BATF2: variants seen among roughly 807,000 people sequenced by gnomAD.
The protein encoded by BATF2 is basic leucine zipper transcriptional factor ATF-like 2.
In BATF2, 4 loss-of-function variants were observed where a neutral mutation model predicts 7.3. The observed-to-expected ratio is 0.55, with a 90% CI of 0.27 to 1.26. The LOEUF (loss-of-function observed/expected upper bound fraction) is 1.26, where lower values mean the gene tolerates loss of function less well. Among genes scored for constraint, BATF2 ranks in the 50% most tolerant of loss-of-function variants. BATF2 has a pLI of 0.11. For synonymous variants in BATF2, 152 were observed against 153.9 expected (o/e 0.99, Z 0.09); for missense variants, 295 against 340.5 (o/e 0.87, Z 1.05).
At position 64,988,022 on chromosome 11, in the gene BATF2, A is replaced by G. The variant is rs945040705; in HGVS notation, c.*1107T>C. 28 of 152,200 alleles carry G rather than the reference A, an allele frequency of 1.8e-4. No homozygotes were observed. The highest frequency in any genetic ancestry group is 6.5e-4 in the African/African-American group (27 of 41,444). 9.4% of individuals were successfully genotyped at this position (152,200 alleles called of 1,614,324 possible). On this transcript the variant is annotated 3_prime_UTR_variant, in exon 3 of 3. Transcript: ENST00000301887. ...TGTATCCAGGAGTGTGTTAGATACT[A>G]ACATAGTGTTTCATTTACATGTGTG...
intron 2 of BATF2, among the ~76,000 whole-genome samples, chr11:64,991,815 C>T (rs1269918717): frequency 1.3e-5 from 2 of 152,162 alleles, no homozygotes; most frequent in Non-Finnish European, 1.5e-5. Context: ...ACGGGAGACG[C>T]TCAATAAGCA....
rs955592231 is a variant in BATF2, at chr11:64,994,894, G to A, written c.40-345C>T. On this transcript the variant is annotated intron_variant, in intron 1 of 2. Transcript: ENST00000301887. ...AGAGTCTCACTCTGTTGCCCAGGCTGGAGTAGTGCAGCGGCTCTATCTTGG... is the reference window on the plus strand; with the variant it reads ...AGAGTCTCACTCTGTTGCCCAGGCTAGAGTAGTGCAGCGGCTCTATCTTGG... Among the ~76,000 whole-genome samples the A allele has an allele frequency of 4.6e-5, 7 of 152,202 alleles. No homozygotes were observed. The South Asian group carries it at 8.3e-4, about 18-fold the overall frequency.
In BATF2 at chr11:64,989,766, A is replaced by T. The variant is rs761596859; in HGVS notation, c.188T>A (p.Ile63Asn). 6.2e-7 allele frequency: 1 copy of T among 1,613,938 alleles called. No homozygotes were observed. Among genetic ancestry groups the T allele is most frequent in the Non-Finnish European group, 8.5e-7 (1 of 1,180,024 alleles). Residue 63 changes from isoleucine (I) to asparagine (N), a missense_variant, in exon 3 of 3, where the codon ATC (isoleucine) becomes AAC (asparagine). Coordinates refer to ENST00000301887, the MANE Select transcript of BATF2 (RefSeq NM_138456.4). This position sits in a 1 kb window ranked among gnomAD's most constrained non-coding sequence, Gnocchi z 4.3. ...CGCCAGCTCGGCCTGCAGGGACTGG[A>T]TCTCCTTCCGCAGGGCGAGGTTGTC... ...EKDNLALRKE[I>N]QSLQAELAWW...
At chr11:64,990,699 G>A (rs1274944526) in intron 2 of BATF2, 13 of 843,968 alleles carry the variant, frequency 1.5e-5, no homozygotes, top group South Asian at 5.4e-5. Context: ...TAAATTGAAC[G>A]ACTTCCTTCA....
In BATF2 at chr11:64,989,284, C is replaced by A; in HGVS notation, c.670G>T (p.Asp224Tyr). ...AGCCCCAGGGCAGAGGAAGGGTTGT[C>A]GGGAGAGGACCCCAGCTTCCCTCTG... is the stretch of plus-strand genomic sequence containing the variant. The part of the protein sequence containing the change: ...PTRGKLGSSP[D>Y]NPSSALGLAR... The change falls in exon 3 of 3, where the codon GAC becomes TAC. Residue 224 changes from aspartate (D) to tyrosine (Y), a missense_variant. Coordinates refer to ENST00000301887, the MANE Select transcript of BATF2 (RefSeq NM_138456.4). This position sits in a 1 kb window ranked among gnomAD's most constrained non-coding sequence, Gnocchi z 4.3. 3 of 1,595,954 alleles carry A rather than the reference C, an allele frequency of 1.9e-6. No homozygotes were observed. The highest frequency in any genetic ancestry group is 2.6e-6 in the Non-Finnish European group (3 of 1,170,272).
intron 2 of BATF2, among the ~76,000 whole-genome samples, chr11:64,994,067 G>C (rs982129720): frequency 3.3e-5 from 5 of 152,158 alleles, no homozygotes; most frequent in African/African-American, 1.2e-4. Flanking sequence ...CAAAGTGCTA[G>C]GATTACAGGT....
intron 1 of BATF2, among the ~76,000 whole-genome samples, chr11:64,996,543 C>T (rs898215681): frequency 4.6e-5 from 7 of 152,198 alleles, no homozygotes; most frequent in African/African-American, 7.2e-5. Flanking sequence ...AGGCATGAGC[C>T]GGCCTGGGTT....
Position 64,990,063 on chromosome 11 carries a change from C to G in BATF2, c.142-251G>C, listed in dbSNP as rs760592827. On this transcript the variant is annotated intron_variant, in intron 2 of 2. Transcript: ENST00000301887. Reference sequence around the variant, plus strand: ...CCACCACTAGTGCCCTGAGCCGGTGCCATTTCTCACCTGGGATATGCACGG... The same window carrying G: ...CCACCACTAGTGCCCTGAGCCGGTGGCATTTCTCACCTGGGATATGCACGG... 6 of 1,536,558 alleles carry G rather than the reference C, an allele frequency of 3.9e-6. No homozygotes were observed. The Middle Eastern group carries it at 1.0e-3, about 257-fold the overall frequency.
At chr11:64,991,390 C>T (rs1946076426) in intron 2 of BATF2, among the ~76,000 whole-genome samples, 1 of 151,978 alleles carries the variant, frequency 6.6e-6, no homozygotes, top group African/African-American at 2.4e-5. Flanking sequence ...CTCCTGACCT[C>T]GTGATCCGCC....
In BATF2 at chr11:64,989,388, G is replaced by A; in HGVS notation, c.566C>T (p.Ser189Phe). 6.3e-7 allele frequency: 1 copy of A among 1,581,686 alleles called. No individual in the cohort carries two copies. Among genetic ancestry groups the A allele is most frequent in the Non-Finnish European group, 8.6e-7 (1 of 1,163,094 alleles). ...SHTGSSLQGS[S>F]SKLSALQPSL... ...GGGCTGGAGGGCACTGAGCTTAGAG[G>A]AAGACCCCTGCAGGCTGGAACCAGT... The change falls in exon 3 of 3, where the codon TCC becomes TTC. Residue 189 changes from serine to phenylalanine, a missense_variant. Ser to Phe is a radical substitution (Grantham distance 155). Coordinates refer to ENST00000301887, the MANE Select transcript of BATF2 (RefSeq NM_138456.4). This position sits in a 1 kb window ranked among gnomAD's most constrained non-coding sequence, Gnocchi z 4.3.
In BATF2 at chr11:64,989,239, C is replaced by A. The variant is rs1327300395; in HGVS notation, c.715G>T (p.Glu239Ter). ...ALGLARLQSR[E>*]HKPALSAATW... ...GCTGCTGAGAGAGCAGGTTTGTGCT[C>A]CCTGCTCTGCAGACGTGCAAGCCCC... The change falls in exon 3 of 3, where the codon GAG (glutamate) becomes TAG (stop). Residue 239 changes from glutamate (E) to a stop codon, truncating the protein, a stop_gained. Coordinates refer to ENST00000301887, the MANE Select transcript of BATF2 (RefSeq NM_138456.4). LOFTEE classifies it low-confidence loss of function (END_TRUNC). This position sits in a 1 kb window ranked among gnomAD's most constrained non-coding sequence, Gnocchi z 4.3. 1.9e-6 allele frequency: 3 copies of A among 1,613,346 alleles called. No homozygotes were observed. Among genetic ancestry groups the A allele is most frequent in the Non-Finnish European group, 2.5e-6 (3 of 1,179,704 alleles).
intron 2 of BATF2, among the ~76,000 whole-genome samples, chr11:64,991,708 C>T (rs1449070274): frequency 6.6e-6 from 1 of 152,140 alleles, no homozygotes; most frequent in Non-Finnish European, 1.5e-5. Flanking sequence ...GGTCTGGCTT[C>T]CCCAGGAGAA....
intron 1 of BATF2, among the ~76,000 whole-genome samples, chr11:64,995,164 C>A (rs754515043): frequency 5.9e-5 from 9 of 152,102 alleles, no homozygotes; most frequent in Non-Finnish European, 1.2e-4. Context: ...CCAGCCGAGC[C>A]CCATATTCTT....
At chr11:64,991,464 G>A (rs1366008328) in intron 2 of BATF2, among the ~76,000 whole-genome samples, 1 of 152,072 alleles carries the variant, frequency 6.6e-6, no homozygotes, top group Admixed American at 6.6e-5. Context: ...CGGAATGATG[G>A]ACATTTCTAA....
chr11:64,989,908 A>G lies in BATF2; in HGVS notation c.142-96T>C. ...CTTCCAGGGTCCTCAACTTCAGGAG[A>G]AAGATGCCACCACCATTGGAATAGC... On this transcript the variant is annotated intron_variant, in intron 2 of 2. Transcript: ENST00000301887. This position sits in a 1 kb window ranked among gnomAD's most constrained non-coding sequence, Gnocchi z 4.3. 6.8e-7 allele frequency: 1 copy of G among 1,474,782 alleles called. No homozygotes were observed. Among genetic ancestry groups the G allele is most frequent in the East Asian group, 2.4e-5 (1 of 40,980 alleles). 91.4% of individuals were successfully genotyped at this position (1,474,782 alleles called of 1,614,324 possible).
intron 2 of BATF2, among the ~76,000 whole-genome samples, chr11:64,994,179 C>T (rs974179481): frequency 1.3e-5 from 2 of 152,130 alleles, no homozygotes; most frequent in Admixed American, 6.6e-5. Context: ...GTCTTCCTTC[C>T]CCTAGACTGC....
intron 2 of BATF2, among the ~76,000 whole-genome samples, chr11:64,992,031 T>C (rs1946081400): frequency 6.6e-6 from 1 of 151,842 alleles, no homozygotes; most frequent in South Asian, 2.1e-4. Flanking sequence ...CTTTTTTTGT[T>C]GTTGTTGTTG....
rs778025557 is a variant in BATF2 at position 64,989,918 on chromosome 11, C to G, written c.142-106G>C. 6.9e-7 allele frequency: 1 copy of G among 1,455,888 alleles called. No individual in the cohort carries two copies. The highest frequency in any genetic ancestry group is 1.2e-5 in the South Asian group (1 of 81,818). The allele number at this position is 1,455,888 out of a possible 1,614,324, so 90.2% of individuals were successfully genotyped here. ...CCTCAACTTCAGGAGAAAGATGCCA[C>G]CACCATTGGAATAGCCAAGTGGGGT... On this transcript the variant is annotated intron_variant, in intron 2 of 2. Coordinates refer to ENST00000301887, the MANE Select transcript of BATF2 (RefSeq NM_138456.4). The surrounding 1 kb of genome is among the most constrained non-coding windows in gnomAD (Gnocchi z 4.3).
rs1042185097 is a variant in BATF2 at position 64,989,550 on chromosome 11, G to A, written c.404C>T (p.Pro135Leu). The A allele has an allele frequency of 7.6e-6, 12 of 1,587,580 alleles. No individual in the cohort carries two copies. The highest frequency in any genetic ancestry group is 1.3e-5 in the African/African-American group (1 of 74,338). Residue 135 changes from proline to leucine, a missense_variant, in exon 3 of 3, where the codon CCG becomes CTG. Coordinates refer to ENST00000301887, the MANE Select transcript of BATF2 (RefSeq NM_138456.4). This position sits in a 1 kb window ranked among gnomAD's most constrained non-coding sequence, Gnocchi z 4.3. ...ATGAGGCTGTGGACCTGGAGAGAGC[G>A]GCTGAGCTGGGTAACAGGAACCCGG... Reference protein sequence around the residue: ...QTPGSCYPAQPLSPGPQPHDS... With the variant: ...QTPGSCYPAQLLSPGPQPHDS...
Sources: gnomAD v4.1 joint callset for allele counts (sites outside exome capture counted in the v4.1 genomes callset) on GRCh38, gnomAD v4.1.1 for gene constraint, Gnocchi (gnomAD v3.1) non-coding constraint, MANE v1.5 for transcripts, NCBI Gene and HGNC (gene_info 2026-07-23, HGNC 2026-07-21) for gene names.